The following MAP9 variants were observed in gnomAD, a reference collection of about 807,000 sequenced individuals.
MAP9 encodes microtubule-associated protein 9.
Under a neutral mutation model 75.2 loss-of-function variants are expected in MAP9, and 80 were observed. That is an observed-to-expected ratio of 1.06 (90% CI 0.89 to 1.28). The LOEUF (loss-of-function observed/expected upper bound fraction) is 1.28. Ranked by LOEUF, MAP9 falls within the 50% of genes most tolerant of loss-of-function variation. The probability of loss-of-function intolerance (pLI) is 0.00; values close to 1 mark genes in which losing one functional copy is unlikely to be tolerated. For missense variants in MAP9, 753 were observed against 719.9 expected (o/e 1.05, Z -0.53); for synonymous variants, 235 against 237.3 (o/e 0.99, Z 0.09).
intron 8 of MAP9, 59 bp from the exon 9 acceptor site, chr4:155,355,943 A>AG: frequency 7.1e-7 from 1 of 1,410,376 alleles, no homozygotes; most frequent in Non-Finnish European, 9.8e-7. Flanking sequence ...TAGAAGAGAG[A>AG]TCTGTTAGAA....
rs924704712 is a variant in MAP9, at chr4:155,342,709, A to G, written c.*5074T>C. The G allele has an allele frequency of 2.6e-5, 4 of 152,096 alleles. No individual in the cohort carries two copies. The highest frequency in any genetic ancestry group is 4.4e-5 in the Non-Finnish European group (3 of 67,984). The allele number at this position is 152,096 out of a possible 1,614,324, so 9.4% of individuals were successfully genotyped here. A position where few individuals can be genotyped will look rare whatever the true frequency, so the allele number is the denominator to read the frequency against. ...ATCAACAGCAACGATATGACATTAC[A>G]AAGTGACCCGTGACATCTTTTTTAA... On this transcript the variant is annotated 3_prime_UTR_variant, in exon 14 of 14. Transcript: ENST00000311277.
chr4:155,355,188 A>C, intron 9 of MAP9, 28 bp from the exon 10 acceptor site: 1 of 771,136 alleles, frequency 1.3e-6, no homozygotes, highest in Non-Finnish European at 2.0e-6. Context: ...AGGTCATATA[A>C]TATTTAAAAT....
rs767763034 is a variant in MAP9 at position 155,352,954 on chromosome 4, A to T, written c.1646T>A (p.Val549Asp). ...TAAATTATCTTTCTTTTTCTCGGCAACAGTTTCCTCCTCTTTCTGTTTCTT... is the reference window on the plus strand; with the variant it reads ...TAAATTATCTTTCTTTTTCTCGGCATCAGTTTCCTCCTCTTTCTGTTTCTT... The part of the protein sequence containing the change: ...RAKKQKEEET[V>D]AEKKKDNLTA... The change falls in exon 12 of 14, where the codon GTT becomes GAT. Residue 549 changes from valine to aspartate, a missense_variant. Transcript: ENST00000311277. 6 of 1,540,214 alleles carry T rather than the reference A, an allele frequency of 3.9e-6. No individual in the cohort carries two copies. Among genetic ancestry groups the T allele is most frequent in the South Asian group, 3.7e-5 (3 of 81,812 alleles).
chr4:155,373,043 A>C, intron 4 of MAP9, 93 bp downstream of exon 4: 1 of 783,498 alleles, frequency 1.3e-6, no homozygotes, highest in East Asian at 2.9e-5. Flanking sequence ...TTTTTTTCTT[A>C]AATATATACT....
intron 10 of MAP9, among the ~76,000 whole-genome samples, chr4:155,354,043 C>G (rs763645223): frequency 6.6e-6 from 1 of 152,054 alleles, no homozygotes; most frequent in Non-Finnish European, 1.5e-5. Flanking sequence ...CACAGAGCTA[C>G]GAAAATCAAA....
Position 155,347,815 on chromosome 4 carries a change from G to C in MAP9, c.1912C>G (p.Pro638Ala). 6.2e-7 allele frequency: 1 copy of C among 1,610,726 alleles called. No homozygotes were observed. The highest frequency in any genetic ancestry group is 8.5e-7 in the Non-Finnish European group (1 of 1,178,424). ...ACTTTTGCGAACACAGTTCTGCTTG[G>C]AGGGCTCCACGGAGGAAGTGCCTCA... ...ESEALPPWSPPSRTVFAKVF is the reference protein window; with the variant it reads ...ESEALPPWSPASRTVFAKVF Residue 638 changes from proline to alanine, a missense_variant, in exon 14 of 14, where the codon CCA (proline) becomes GCA (alanine). By Grantham distance (27) the Pro-to-Ala change is conservative. Coordinates refer to ENST00000311277, the MANE Select transcript of MAP9 (RefSeq NM_001039580.2).
chr4:155,351,228 C>A (rs567802747), intron 13 of MAP9: 12 of 151,844 alleles, frequency 7.9e-5, no homozygotes, highest in Admixed American at 3.9e-4. Flanking sequence ...ACAGAAGTAG[C>A]ACCTCAAATC....
At chr4:155,367,515 T>C (rs988955988) in intron 5 of MAP9, 4 of 152,240 alleles carry the variant, frequency 2.6e-5, no homozygotes, top group African/African-American at 7.2e-5. Flanking sequence ...GTTAACCAGT[T>C]TGTGGCAATT....
intron 5 of MAP9, among the ~76,000 whole-genome samples, chr4:155,364,796 A>G (rs547894991): frequency 4.2e-4 from 64 of 151,554 alleles, no homozygotes; most frequent in African/African-American, 1.3e-3. Context: ...AAACAATACA[A>G]TATCAATTCT....
At chr4:155,376,669 T>C (rs1732863168) in intron 1 of MAP9, 102 bp downstream of exon 1, 1 of 152,988 alleles carries the variant, frequency 6.5e-6, no homozygotes. Context: ...GGATCCCCCA[T>C]GGCCCCCAGG....
intron 4 of MAP9, among the ~76,000 whole-genome samples, chr4:155,370,919 C>T (rs1732565820): frequency 6.6e-6 from 1 of 152,150 alleles, no homozygotes. Flanking sequence ...TTGCCTCAAA[C>T]TCCTAGAGGC....
intron 13 of MAP9, chr4:155,350,170 C>T: frequency 2.3e-6 from 1 of 430,786 alleles, no homozygotes; most frequent in South Asian, 1.7e-5. Flanking sequence ...ATATAAAAAG[C>T]TTGAGATGTT....
chr4:155,375,783 G>C lies in MAP9; in HGVS notation c.68C>G (p.Thr23Ser), dbSNP rs191649162. 2.5e-6 allele frequency: 4 copies of C among 1,596,494 alleles called. No individual in the cohort carries two copies. Among genetic ancestry groups the C allele is most frequent in the East Asian group, 2.2e-5 (1 of 44,656 alleles). Residue 23 changes from threonine (T) to serine (S), a missense_variant, in exon 2 of 14, where the codon ACT becomes AGT. Coordinates refer to ENST00000311277, the MANE Select transcript of MAP9 (RefSeq NM_001039580.2). ...TKSPKVTKRT[T>S]FQDELIRAIT... Reference sequence around the variant, plus strand: ...CAAATAAAAATACTTTACCTGGAAAGTAGTTCTTTTGGTAACTTTTGGACT... The same window carrying C: ...CAAATAAAAATACTTTACCTGGAAACTAGTTCTTTTGGTAACTTTTGGACT...
rs1731304662 is a variant in MAP9, at chr4:155,346,874, G to A, written c.*909C>T. ...TAAATAAATAAATAAAGGCTTTGTG[G>A]ACATTGTCAACATATTTACCTTCCC... is the stretch of plus-strand genomic sequence containing the variant. On this transcript the variant is annotated 3_prime_UTR_variant, in exon 14 of 14. Coordinates refer to ENST00000311277, the MANE Select transcript of MAP9 (RefSeq NM_001039580.2). The A allele has an allele frequency of 6.6e-6, 1 of 152,494 alleles. No individual in the cohort carries two copies. The highest frequency in any genetic ancestry group is 2.4e-5 in the African/African-American group (1 of 41,412). The allele number at this position is 152,494 out of a possible 1,614,324, so 9.4% of individuals were successfully genotyped here.
At chr4:155,366,250 T>A (rs1732322195) in intron 5 of MAP9, among the ~76,000 whole-genome samples, 1 of 151,702 alleles carries the variant, frequency 6.6e-6, no homozygotes. Flanking sequence ...TCCCAGCTAC[T>A]CGGGAGGCTG....
intron 7 of MAP9, among the ~76,000 whole-genome samples, chr4:155,359,791 G>A (rs1015475929): frequency 1.1e-4 from 16 of 151,912 alleles, no homozygotes; most frequent in Admixed American, 6.6e-4. Flanking sequence ...TTGTTAACAC[G>A]TTTTAAAACA....
intron 7 of MAP9, among the ~76,000 whole-genome samples, chr4:155,358,553 G>A (rs1235385810): frequency 1.3e-5 from 2 of 152,054 alleles, no homozygotes; most frequent in Non-Finnish European, 1.5e-5. Flanking sequence ...CTAGCTAATT[G>A]CAGCTACAAG....
intron 8 of MAP9, 115 bp downstream of exon 8, chr4:155,357,334 G>T (rs1731839499): frequency 1.4e-6 from 1 of 717,556 alleles, no homozygotes; most frequent in East Asian, 2.6e-5. Flanking sequence ...TTATGAAATG[G>T]AAATAAAAAG....
At chr4:155,376,648 G>C (rs1732862211) in intron 1 of MAP9, 123 bp downstream of exon 1, 1 of 152,686 alleles carries the variant, frequency 6.5e-6, no homozygotes, top group Non-Finnish European at 1.5e-5. Flanking sequence ...GTCCAAGCGC[G>C]GTCTCTGTCC....
Sources: allele counts gnomAD v4.1 joint callset (sites outside exome capture counted in the v4.1 genomes callset), GRCh38; gene constraint gnomAD v4.1.1; transcripts MANE v1.5; gene names NCBI Gene and HGNC (gene_info 2026-07-23, HGNC 2026-07-21).